Variants in TUT1 observed in about 807,000 individuals in gnomAD.
The protein encoded by TUT1 is terminal uridylyl transferase 1, U6 snRNA-specific, also known as speckle targeted PIP5K1A-regulated poly(A) polymerase.
TUT1 carries 26 observed loss-of-function variants against 48.8 expected under a neutral mutation model. The ratio of observed to expected loss-of-function variants is 0.53; its 90% CI spans 0.39 to 0.74. The LOEUF (loss-of-function observed/expected upper bound fraction) is 0.74. TUT1 is among the 30% of genes least tolerant of loss of function. The probability of loss-of-function intolerance (pLI) is 0.00; values close to 1 mark genes in which losing one functional copy is unlikely to be tolerated. For synonymous variants in TUT1, 470 were observed against 460.8 expected (o/e 1.02, Z -0.26); for missense variants, 1,065 against 1,114.8 (o/e 0.96, Z 0.64).
At chr11:62,591,319 T>A in intron 1 of TUT1, 85 bp downstream of exon 1, 1 of 1,449,184 alleles carries the variant, frequency 6.9e-7, no homozygotes, top group Non-Finnish European at 9.0e-7. Flanking sequence ...CAAGAACGAC[T>A]GACTACCTAT....
rs1941815528 is a variant in TUT1, at chr11:62,581,008, A to T, written c.690+98T>A. On this transcript the variant is annotated intron_variant, in intron 4 of 8. Coordinates refer to ENST00000476907, the MANE Select transcript of TUT1 (RefSeq NM_022830.3). ...GTAGGTCCTATTATCTGCATTGTAG[A>T]TGAGGAACTAAGACATGGAGAGCTA... 9.3e-6 allele frequency: 8 copies of T among 858,588 alleles called. No individual in the cohort carries two copies. The Admixed American group carries it at 1.7e-4, about 18-fold the overall frequency. The allele number at this position is 858,588 out of a possible 1,614,324, so 53.2% of individuals were successfully genotyped here. A position where few individuals can be genotyped will look rare whatever the true frequency, so the allele number is the denominator to read the frequency against.
At chr11:62,587,128 T>C in intron 2 of TUT1, among the ~76,000 whole-genome samples, 1 of 146,108 alleles carries the variant, frequency 6.8e-6, no homozygotes, top group East Asian at 2.0e-4. Flanking sequence ...AGAAAAGGCA[T>C]TTTTCTCAGA....
chr11:62,576,697 AT>A lies in TUT1; in HGVS notation c.1433del (p.Asp478ValfsTer9). 1 of 1,614,210 alleles carries A rather than the reference AT, an allele frequency of 6.2e-7. No individual in the cohort carries two copies. The highest frequency in any genetic ancestry group is 8.5e-7 in the Non-Finnish European group (1 of 1,180,036). ...TTATGCTGGGCTCCAGTCTTGAGGC[AT>A]CCCTGGGGAAACTGCAGTCCCAGCC... ...VDGWDCSFPR[D>X]ASRLEPSINV... On this transcript the variant is annotated frameshift_variant, in exon 8 of 9. Transcript: ENST00000476907. LOFTEE classifies it low-confidence loss of function (END_TRUNC).
intron 2 of TUT1, among the ~76,000 whole-genome samples, chr11:62,588,443 G>C (rs574069313): frequency 6.6e-6 from 1 of 152,236 alleles, no homozygotes; most frequent in South Asian, 2.1e-4. Context: ...AATCTCAGTT[G>C]CTTGGGTGGC....
In TUT1 at chr11:62,589,179, T is replaced by C; in HGVS notation, c.125A>G (p.His42Arg). The C allele has an allele frequency of 1.9e-6, 3 of 1,614,222 alleles. No individual in the cohort carries two copies. In the South Asian group the frequency reaches 3.3e-5, roughly 18 times the overall value. The stretch of plus-strand genomic sequence containing the variant: ...TCTCGCAGCTCGTAGTTCTACCAGG[T>C]GCCGGTGCTTTCTGCCTCCCAAGTG... Reference protein sequence around the residue: ...DAHLGGRKHRHLVELRAARKA... With the variant: ...DAHLGGRKHRRLVELRAARKA... The change falls in exon 2 of 9, where the codon CAC (histidine) becomes CGC (arginine). Residue 42 changes from histidine (H) to arginine (R), a missense_variant. Coordinates refer to ENST00000476907, the MANE Select transcript of TUT1 (RefSeq NM_022830.3).
chr11:62,576,712 G>A lies in TUT1; in HGVS notation c.1419C>T (p.Cys473=). The A allele has an allele frequency of 6.2e-7, 1 of 1,614,212 alleles. No individual in the cohort carries two copies. The part of the protein sequence containing the change: ...GEQVEVDGWD[C]SFPRDASRLE... ...GTCTTGAGGCATCCCTGGGGAAACT[G>A]CAGTCCCAGCCATCGACTTCCACCT... Residue 473 remains cysteine (C), a synonymous_variant, in exon 8 of 9, where the codon TGC becomes TGT. Coordinates refer to ENST00000476907, the MANE Select transcript of TUT1 (RefSeq NM_022830.3).
intron 4 of TUT1, among the ~76,000 whole-genome samples, chr11:62,579,862 C>T (rs925476294): frequency 6.6e-6 from 1 of 151,942 alleles, no homozygotes; most frequent in Non-Finnish European, 1.5e-5. Context: ...GACAGCATTT[C>T]ACCATGTTGG....
chr11:62,586,714 G>A (rs549450955), intron 2 of TUT1, among the ~76,000 whole-genome samples: 6 of 151,922 alleles, frequency 3.9e-5, no homozygotes, highest in East Asian at 2.0e-4. Flanking sequence ...TCAGAAGTTC[G>A]AGACCAGCCT....
intron 2 of TUT1, among the ~76,000 whole-genome samples, chr11:62,584,167 C>T (rs1298374898): frequency 2.0e-5 from 3 of 147,506 alleles, no homozygotes; most frequent in Non-Finnish European, 4.5e-5. Flanking sequence ...GTCTCTGTCA[C>T]TCAGACTTGA....
Position 62,579,071 on chromosome 11 carries a change from C to T in TUT1, c.691-41G>A, listed in dbSNP as rs368086926. On this transcript the variant is annotated intron_variant, in intron 4 of 8. Transcript: ENST00000476907. ...AACTGAGTGAAATGTTTCTGCTGTTCCCTAAGCAGGGATCTCTCAAGATAA... is the reference window on the plus strand; with the variant it reads ...AACTGAGTGAAATGTTTCTGCTGTTTCCTAAGCAGGGATCTCTCAAGATAA... 352 of 1,405,872 alleles carry T rather than the reference C, an allele frequency of 2.5e-4. 1 individual carries two copies. Among genetic ancestry groups the T allele is most frequent in the Non-Finnish European group, 2.9e-4 (306 of 1,058,246 alleles). 87.1% of individuals were successfully genotyped at this position (1,405,872 alleles called of 1,614,324 possible).
chr11:62,589,268 G>C, intron 1 of TUT1, 47 bp from the exon 2 acceptor site: 1 of 1,581,564 alleles, frequency 6.3e-7, no homozygotes, highest in Middle Eastern at 2.0e-4. Flanking sequence ...ACTCTTCGAC[G>C]TGTCTGCCTT....
In TUT1 at chr11:62,591,446, C is replaced by T. The variant is rs759694212; in HGVS notation, c.40G>A (p.Gly14Arg). ...VDSDVESLPR[G>R]GFRCCLCHVT... ...TGGCAGAGGCAGCAGCGGAACCCCC[C>T]ACGCGGCAGCGATTCGACATCCGAA... The change falls in exon 1 of 9, where the codon GGG becomes AGG. Residue 14 changes from glycine (G) to arginine (R), a missense_variant. By Grantham distance (125) the Gly-to-Arg change is moderately radical. Transcript: ENST00000476907. The T allele has an allele frequency of 9.3e-6, 15 of 1,609,650 alleles. No homozygotes were observed. In the South Asian group the frequency reaches 1.6e-4, roughly 17 times the overall value.
Position 62,575,144 on chromosome 11 carries a change from G to A in TUT1, c.2575C>T (p.His859Tyr), listed in dbSNP as rs367814209. ...QDPQGLFPDL[H>Y]HFLQVFLPQA... ...GGGAGGAAAACCTGTAAGAAATGAT[G>A]GAGATCAGGGAACAGGCCTTGGGGA... Residue 859 changes from histidine to tyrosine, a missense_variant, in exon 9 of 9, where the codon CAT becomes TAT. Coordinates refer to ENST00000476907, the MANE Select transcript of TUT1 (RefSeq NM_022830.3). 1 of 1,590,884 alleles carries A rather than the reference G, an allele frequency of 6.3e-7. No homozygotes were observed. Among genetic ancestry groups the A allele is most frequent in the African/African-American group, 1.3e-5 (1 of 74,114 alleles).
chr11:62,582,829 T>C (rs1941853111), intron 2 of TUT1, among the ~76,000 whole-genome samples: 2 of 151,598 alleles, frequency 1.3e-5, no homozygotes, highest in Admixed American at 1.3e-4. Flanking sequence ...AAAAATCTTT[T>C]AAAAAATCAA....
Position 62,576,900 on chromosome 11 carries a change from C to A in TUT1, c.1381+7G>T. 6.2e-7 allele frequency: 1 copy of A among 1,613,438 alleles called. No homozygotes were observed. The highest frequency in any genetic ancestry group is 8.5e-7 in the Non-Finnish European group (1 of 1,179,490). On this transcript the variant is annotated splice_region_variant and intron_variant, in intron 7 of 8. Coordinates refer to ENST00000476907, the MANE Select transcript of TUT1 (RefSeq NM_022830.3). ...AAGATGGAGAGGGTGGAGGCTAGGCCGAGTACCTGCTTTCTGGGTGAGCTG... is the reference window on the plus strand; with the variant it reads ...AAGATGGAGAGGGTGGAGGCTAGGCAGAGTACCTGCTTTCTGGGTGAGCTG...
Position 62,589,152 on chromosome 11 carries a change from T to A in TUT1, c.152A>T (p.Lys51Met), listed in dbSNP as rs1241066746. The change falls in exon 2 of 9, where the codon AAG (lysine) becomes ATG (methionine). Residue 51 changes from lysine to methionine, a missense_variant. By Grantham distance (95) the Lys-to-Met change is moderately conservative. Transcript: ENST00000476907. ...RHLVELRAARKAQGLRSVFVS... is the reference protein window; with the variant it reads ...RHLVELRAARMAQGLRSVFVS... ...AAACACACTTCGAAGTCCCTGGGCC[T>A]TTCTCGCAGCTCGTAGTTCTACCAG... is the stretch of plus-strand genomic sequence containing the variant. The A allele has an allele frequency of 1.9e-6, 3 of 1,614,114 alleles. No individual in the cohort carries two copies. The highest frequency in any genetic ancestry group is 2.5e-6 in the Non-Finnish European group (3 of 1,180,054).
At chr11:62,578,053 C>G (rs1309800111) in intron 5 of TUT1, among the ~76,000 whole-genome samples, 37 of 111,006 alleles carry the variant, frequency 3.3e-4, no homozygotes, top group African/African-American at 1.2e-3. Context: ...AAGAGTAAAT[C>G]TCCGTCTCAC....
chr11:62,590,498 G>T (rs923564285), intron 1 of TUT1, among the ~76,000 whole-genome samples: 1 of 152,168 alleles, frequency 6.6e-6, no homozygotes, highest in South Asian at 2.1e-4. Context: ...TTAGCCGGGC[G>T]TGGTGGCGGG....
At chr11:62,587,151 A>C (rs1941931583) in intron 2 of TUT1, among the ~76,000 whole-genome samples, 1 of 152,056 alleles carries the variant, frequency 6.6e-6, no homozygotes, top group Admixed American at 6.6e-5. Flanking sequence ...AAAAGGAAAA[A>C]AAATAGAGGA....
Sources: gnomAD v4.1 joint callset for allele counts (sites outside exome capture counted in the v4.1 genomes callset) on GRCh38, gnomAD v4.1.1 for gene constraint, MANE v1.5 for transcripts, NCBI Gene and HGNC (gene_info 2026-07-23, HGNC 2026-07-21) for gene names.